Variants in INPP4B observed in about 807,000 individuals in gnomAD.
INPP4B encodes inositol polyphosphate 4-phosphatase type II.
Under a neutral mutation model 122.5 loss-of-function variants are expected in INPP4B, and 55 were observed. The observed-to-expected ratio is 0.45, with a 90% CI of 0.36 to 0.56. The LOEUF (loss-of-function observed/expected upper bound fraction) is 0.56. Among genes scored for constraint, INPP4B ranks in the 20% least tolerant of loss-of-function variants. The pLI is 0.00. For synonymous variants in INPP4B, 403 were observed against 388.7 expected (o/e 1.04, Z -0.43); for missense variants, 1,000 against 1,097.7 (o/e 0.91, Z 1.26).
At chr4:142,135,164 C>G (rs1286957464) in intron 18 of INPP4B, among the ~76,000 whole-genome samples, 3 of 152,138 alleles carry the variant, frequency 2.0e-5, no homozygotes, top group Non-Finnish European at 4.4e-5. Flanking sequence ...TATGACTAGG[C>G]CTTCATTCCA....
At chr4:142,033,317 C>T in intron 25 of INPP4B, among the ~76,000 whole-genome samples, 1 of 152,318 alleles carries the variant, frequency 6.6e-6, no homozygotes, top group East Asian at 1.9e-4. Flanking sequence ...CATTCCCCCT[C>T]CACTGTGCCA....
At chr4:142,250,348 A>G (rs990500620) in intron 11 of INPP4B, among the ~76,000 whole-genome samples, 7 of 152,232 alleles carry the variant, frequency 4.6e-5, no homozygotes, top group African/African-American at 1.4e-4. Flanking sequence ...ATAGTGACGA[A>G]CTGATATAAG....
chr4:142,648,058 TAGAA>T (rs2150519888), intron 2 of INPP4B, among the ~76,000 whole-genome samples: 1 of 152,350 alleles, frequency 6.6e-6, no homozygotes, highest in East Asian at 1.9e-4. Context: ...ATTAATTTCT[TAGAA>T]AGGAACTCAC....
intron 2 of INPP4B, among the ~76,000 whole-genome samples, chr4:142,564,475 GA>G (rs1383242540): frequency 3.2e-5 from 4 of 124,726 alleles, no homozygotes; most frequent in African/African-American, 5.9e-5. Context: ...AAGAAAGAAA[GA>G]AAAAAAAGAA....
At chr4:142,139,341 C>T (rs1298752117) in intron 18 of INPP4B, among the ~76,000 whole-genome samples, 1 of 152,128 alleles carries the variant, frequency 6.6e-6, no homozygotes, top group Non-Finnish European at 1.5e-5. Flanking sequence ...TAGAGTCTCA[C>T]TGTCACCCAG....
chr4:142,459,241 A>G (rs1373342726), intron 3 of INPP4B, among the ~76,000 whole-genome samples: 3 of 150,462 alleles, frequency 2.0e-5, no homozygotes, highest in African/African-American at 7.3e-5. Flanking sequence ...TTTCAGGCTC[A>G]GTTTTCACAG....
At chr4:142,469,326 T>C (rs1488640759) in intron 2 of INPP4B, among the ~76,000 whole-genome samples, 3 of 151,900 alleles carry the variant, frequency 2.0e-5, no homozygotes, top group Non-Finnish European at 4.4e-5. Context: ...AATAAAGAAA[T>C]TATGAATAAC....
intron 7 of INPP4B, among the ~76,000 whole-genome samples, chr4:142,385,748 T>C (rs570693602): frequency 6.6e-6 from 1 of 152,256 alleles, no homozygotes; most frequent in East Asian, 1.9e-4. Context: ...ACTTGTGTAT[T>C]TTTTTATTTA....
chr4:142,030,420 T>G (rs1013873641), intron 25 of INPP4B: 10 of 843,862 alleles, frequency 1.2e-5, no homozygotes, highest in Non-Finnish European at 1.8e-5. Context: ...ACACAACTCT[T>G]TCAGATGAAA....
At chr4:142,464,613 GAA>G in intron 2 of INPP4B, among the ~76,000 whole-genome samples, 2 of 143,534 alleles carry the variant, frequency 1.4e-5, no homozygotes, top group Middle Eastern at 7.4e-3. Context: ...TAACTGTTAA[GAA>G]AAAAAAAAAA....
At chr4:142,458,705 T>C (rs770823016) in intron 3 of INPP4B, among the ~76,000 whole-genome samples, 14 of 152,116 alleles carry the variant, frequency 9.2e-5, no homozygotes, top group Non-Finnish European at 1.8e-4. Context: ...AGAGTCCCAG[T>C]CGCCACGACT....
At chr4:142,047,330 A>C (rs1752085192) in intron 25 of INPP4B, among the ~76,000 whole-genome samples, 3 of 152,128 alleles carry the variant, frequency 2.0e-5, no homozygotes, top group Non-Finnish European at 4.4e-5. Flanking sequence ...GTCAGAAATG[A>C]CATTTTATAT....
intron 1 of INPP4B, among the ~76,000 whole-genome samples, chr4:142,754,542 A>C (rs907743564): frequency 6.6e-6 from 1 of 152,030 alleles, no homozygotes; most frequent in East Asian, 1.9e-4. Context: ...TAGCATTTTA[A>C]ATACAGGTCT....
chr4:142,355,093 C>G (rs891965961), intron 7 of INPP4B, among the ~76,000 whole-genome samples: 4 of 151,902 alleles, frequency 2.6e-5, no homozygotes, highest in Admixed American at 1.3e-4. Context: ...CAAACTTTCA[C>G]CTGGACTTTT....
chr4:142,239,613 A>C (rs1243233903), intron 11 of INPP4B, among the ~76,000 whole-genome samples: 3 of 152,188 alleles, frequency 2.0e-5, no homozygotes, highest in Non-Finnish European at 4.4e-5. Flanking sequence ...CAAAGATATA[A>C]GAATTTGATT....
chr4:142,224,442 A>G (rs929645841), intron 12 of INPP4B, among the ~76,000 whole-genome samples: 1 of 152,106 alleles, frequency 6.6e-6, no homozygotes, highest in African/African-American at 2.4e-5. Flanking sequence ...AATTATAGTC[A>G]CAAAATGTTT....
At chr4:142,165,297 T>C (rs535109205) in intron 16 of INPP4B, among the ~76,000 whole-genome samples, 1 of 151,886 alleles carries the variant, frequency 6.6e-6, no homozygotes, top group Admixed American at 6.6e-5. Flanking sequence ...TTTTCTGGAT[T>C]AGTCAGCAAT....
intron 7 of INPP4B, among the ~76,000 whole-genome samples, chr4:142,334,378 G>T (rs1775796146): frequency 6.6e-6 from 1 of 152,074 alleles, no homozygotes; most frequent in African/African-American, 2.4e-5. Context: ...TCCCTGTCTT[G>T]GGTTTTGGGT....
intron 1 of INPP4B, among the ~76,000 whole-genome samples, chr4:142,804,942 C>T (rs1778496096): frequency 6.6e-6 from 1 of 152,184 alleles, no homozygotes; most frequent in African/African-American, 2.4e-5. Context: ...TCTGGGATTA[C>T]AGGCATGAGT....
Sources: allele counts gnomAD v4.1 joint callset (sites outside exome capture counted in the v4.1 genomes callset), GRCh38; gene constraint gnomAD v4.1.1; transcripts MANE v1.5; gene names NCBI Gene and HGNC (gene_info 2026-07-23, HGNC 2026-07-21).